The following FADS3 variants were observed in gnomAD, a reference collection of about 807,000 sequenced individuals.
The protein encoded by FADS3 is fatty acid desaturase 3.
FADS3 carries 30 observed loss-of-function variants against 60.4 expected under a neutral mutation model. The observed-to-expected ratio is 0.50, with a 90% confidence interval of 0.37 to 0.67. The LOEUF is 0.67. FADS3 is among the 30% of genes least tolerant of loss of function. The pLI, the probability that FADS3 is intolerant of heterozygous loss-of-function variation, is 0.00. For missense variants in FADS3, 432 were observed against 598.3 expected, an observed-to-expected ratio of 0.72 and a Z score of 2.90; for synonymous variants, 234 against 249.3, an observed-to-expected ratio of 0.94 and a Z score of 0.58.
At chr11:61,875,571 T>C (rs115913684) in intron 11 of FADS3, among the ~76,000 whole-genome samples, 1,639 of 152,248 alleles carry the variant, frequency 0.011, 29 homozygotes, top group African/African-American at 0.037. Context: ...CTGTTAAGTG[T>C]TTCCTTCTGA....
In FADS3 at chr11:61,875,892, G is replaced by A. The variant is rs200500654; in HGVS notation, c.1245C>T (p.Tyr415=). The change falls in exon 11 of 12, where the codon TAC becomes TAT. Residue 415 remains tyrosine, a synonymous_variant. Transcript: ENST00000278829. ...KSLCAKHGLS[Y]EVKPFLTALV... Reference sequence around the variant, plus strand: ...GCGCGGTGAGGAAGGGCTTCACTTCGTAGCTGAGGCCGTGCTTGGCACACA... The same window carrying A: ...GCGCGGTGAGGAAGGGCTTCACTTCATAGCTGAGGCCGTGCTTGGCACACA... 2.4e-5 allele frequency: 38 copies of A among 1,613,794 alleles called. No homozygotes were observed. The highest frequency in any genetic ancestry group is 1.6e-4 in the Middle Eastern group (1 of 6,062).
At chr11:61,879,264 C>T (rs1190379056) in intron 3 of FADS3, 48 bp downstream of exon 3, 8 of 1,505,250 alleles carry the variant, frequency 5.3e-6, no homozygotes, top group Non-Finnish European at 6.3e-6. Flanking sequence ...CATGGGGGCC[C>T]ACGTCTGTTG....
chr11:61,873,685 C>T lies in FADS3; in HGVS notation c.*129G>A, dbSNP rs984341728. ...ACATGTGAGGGGGCCGAGGGGAAGA[C>T]AACAGTACCAGGAGGGCAGGCAGGG... On this transcript the variant is annotated 3_prime_UTR_variant, in exon 12 of 12. Coordinates refer to ENST00000278829, the MANE Select transcript of FADS3 (RefSeq NM_021727.5). The T allele has an allele frequency of 2.8e-6, 2 of 721,246 alleles. No individual in the cohort carries two copies. The highest frequency in any genetic ancestry group is 3.7e-4 in the Middle Eastern group (1 of 2,730). 44.7% of individuals were successfully genotyped at this position (721,246 alleles called of 1,614,324 possible). A position where few individuals can be genotyped will look rare whatever the true frequency, so the allele number is the denominator to read the frequency against.
chr11:61,888,912 T>C (rs1938401239), intron 1 of FADS3, among the ~76,000 whole-genome samples: 1 of 152,068 alleles, frequency 6.6e-6, no homozygotes, highest in African/African-American at 2.4e-5. Flanking sequence ...TTTGTTTGTT[T>C]GAGACGGAGT....
rs897753940 is a variant in FADS3 at position 61,873,570 on chromosome 11, AT to A, written c.*243del. On this transcript the variant is annotated 3_prime_UTR_variant, in exon 12 of 12. Transcript: ENST00000278829. Reference sequence around the variant, plus strand: ...ATATAAAAATAACAGCTTTCCCCCAATTCTCGCTCTAGGAAAATGTGCTATG... The same window carrying A: ...ATATAAAAATAACAGCTTTCCCCCAATCTCGCTCTAGGAAAATGTGCTATG... 24 of 563,982 alleles carry A rather than the reference AT, an allele frequency of 4.3e-5. No homozygotes were observed. In the African/African-American group the frequency reaches 4.6e-4, roughly 11 times the overall value. The allele number at this position is 563,982 out of a possible 1,614,324, so 34.9% of individuals were successfully genotyped here. A position where few individuals can be genotyped will look rare whatever the true frequency, so the allele number is the denominator to read the frequency against.
At position 61,877,304 on chromosome 11, in the gene FADS3, C is replaced by T. The variant is rs1420589800; in HGVS notation, c.885+207G>A. 1.5e-5 allele frequency: 4 copies of T among 266,364 alleles called. No individual in the cohort carries two copies. In the South Asian group the frequency reaches 1.5e-4, roughly 10 times the overall value. 16.5% of individuals were successfully genotyped at this position (266,364 alleles called of 1,614,324 possible). ...CCCACACCCCCCCTGTTCCTCAACC[C>T]CCCCCCACCACACGTACAGTCACGG... is the stretch of plus-strand genomic sequence containing the variant. On this transcript the variant is annotated intron_variant, in intron 7 of 11. Transcript: ENST00000278829. This position sits in a 1 kb window ranked among gnomAD's most constrained non-coding sequence, Gnocchi z 4.7.
In FADS3 at chr11:61,879,468, G is replaced by A. The variant is rs377766551; in HGVS notation, c.366C>T (p.Ala122=). Residue 122 remains alanine, a synonymous_variant, in exon 3 of 12, where the codon GCC becomes GCT. Transcript: ENST00000278829. ...TGGCATCAAACAGCTTCATGTCCTCGGCTGCCTGGTGCAGGGCTCGGAAGT... is the reference window on the plus strand; with the variant it reads ...TGGCATCAAACAGCTTCATGTCCTCAGCTGCCTGGTGCAGGGCTCGGAAGT... ...VEDFRALHQA[A]EDMKLFDASP... 7.5e-6 allele frequency: 12 copies of A among 1,603,426 alleles called. No homozygotes were observed. The highest frequency in any genetic ancestry group is 2.3e-5 in the South Asian group (2 of 88,830).
rs779545328 is a variant in FADS3 at position 61,876,976 on chromosome 11, G to A, written c.886-13C>T. On this transcript the variant is annotated splice_polypyrimidine_tract_variant and intron_variant, in intron 7 of 11. Transcript: ENST00000278829. This position sits in a 1 kb window ranked among gnomAD's most constrained non-coding sequence, Gnocchi z 5.7. ...CCCAGAGCAAATCCTGCAGAGGAGG[G>A]CAGAGGCGATACCGAGAGGTCTCCA... is the stretch of plus-strand genomic sequence containing the variant. The A allele has an allele frequency of 1.4e-5, 22 of 1,575,888 alleles. No homozygotes were observed. The South Asian group carries it at 2.1e-4, about 15-fold the overall frequency.
intron 3 of FADS3, 21 bp from the exon 4 acceptor site, chr11:61,878,868 A>T: frequency 1.9e-6 from 3 of 1,610,602 alleles, no homozygotes; most frequent in African/African-American, 1.3e-5. Flanking sequence ...AGGCAGGGTC[A>T]GAAGCTGTTG....
chr11:61,890,270 A>G (rs2136003963), intron 1 of FADS3: 1 of 152,290 alleles, frequency 6.6e-6, no homozygotes, highest in South Asian at 2.1e-4. Flanking sequence ...ATCGGCAGAG[A>G]GCAGGTGGCC....
Position 61,873,754 on chromosome 11 carries a change from C to T in FADS3, c.*60G>A, listed in dbSNP as rs1937763316. The T allele has an allele frequency of 2.9e-6, 4 of 1,361,034 alleles. No homozygotes were observed. In the African/African-American group the frequency reaches 5.7e-5, roughly 19 times the overall value. The allele number at this position is 1,361,034 out of a possible 1,614,324, so 84.3% of individuals were successfully genotyped here. A position where few individuals can be genotyped will look rare whatever the true frequency, so the allele number is the denominator to read the frequency against. The stretch of plus-strand genomic sequence containing the variant: ...TGGAGGGGTGAGGGTATCGATCCCG[C>T]CGGGGGCTGGCTTGGTTGCTGGTGC... On this transcript the variant is annotated 3_prime_UTR_variant, in exon 12 of 12. Transcript: ENST00000278829.
chr11:61,879,244 T>C, intron 3 of FADS3, 68 bp downstream of exon 3: 1 of 1,354,386 alleles, frequency 7.4e-7, no homozygotes, highest in South Asian at 1.3e-5. Flanking sequence ...ATGTTCACAA[T>C]GCCCAGATGC....
At chr11:61,884,789 G>A (rs557131165) in intron 1 of FADS3, among the ~76,000 whole-genome samples, 193 of 152,320 alleles carry the variant, frequency 1.3e-3, no homozygotes, top group African/African-American at 4.3e-3. Flanking sequence ...AGTGGAAAGC[G>A]GCACTCGACG....
At position 61,891,227 on chromosome 11, in the gene FADS3, G is replaced by C. The variant is rs1245575472; in HGVS notation, c.155C>G (p.Ala52Gly). The change falls in exon 1 of 12, where the codon GCA (alanine) becomes GGA (glycine). Residue 52 changes from alanine to glycine, a missense_variant. Physicochemically the swap from Ala to Gly is moderately conservative, Grantham distance 60. This residue lies in a region of FADS3 where 167 missense variants were observed against 188.8 expected (regional missense o/e 0.88). Transcript: ENST00000278829. ...ERRVYDISRW[A>G]QRHPGGSRLI... ...GCGGCTGCCCCCTGGGTGCCGCTGT[G>C]CCCAGCGGCTGATGTCGTAGACGCG... 6.4e-7 allele frequency: 1 copy of C among 1,553,148 alleles called. No individual in the cohort carries two copies. The highest frequency in any genetic ancestry group is 2.4e-5 in the East Asian group (1 of 41,416).
intron 1 of FADS3, 87 bp downstream of exon 1, chr11:61,891,082 G>A (rs1938489469): frequency 8.7e-6 from 10 of 1,154,156 alleles, no homozygotes; most frequent in Non-Finnish European, 1.3e-5. Context: ...AGGATGCTAA[G>A]GCCCCACAGG....
chr11:61,882,113 T>G (rs1331502546), intron 1 of FADS3: 22 of 135,070 alleles, frequency 1.6e-4, no homozygotes, highest in South Asian at 5.2e-4. Context: ...TTTTTTTTTT[T>G]TTTTTTTTTT....
intron 1 of FADS3, among the ~76,000 whole-genome samples, chr11:61,889,436 G>C (rs1238914559): frequency 6.6e-6 from 1 of 151,926 alleles, no homozygotes; most frequent in Non-Finnish European, 1.5e-5. Flanking sequence ...TGGATCACGA[G>C]GTCAGGAGTT....
chr11:61,873,742 G>A lies in FADS3; in HGVS notation c.*72C>T. The A allele has an allele frequency of 1.8e-6, 2 of 1,103,100 alleles. No individual in the cohort carries two copies. 68.3% of individuals were successfully genotyped at this position (1,103,100 alleles called of 1,614,324 possible). ...CAGGCTGGCCAGTGGAGGGGTGAGG[G>A]TATCGATCCCGCCGGGGGCTGGCTT... is the stretch of plus-strand genomic sequence containing the variant. On this transcript the variant is annotated 3_prime_UTR_variant, in exon 12 of 12. Coordinates refer to ENST00000278829, the MANE Select transcript of FADS3 (RefSeq NM_021727.5).
At chr11:61,883,220 C>A (rs1938197081) in intron 1 of FADS3, among the ~76,000 whole-genome samples, 1 of 152,164 alleles carries the variant, frequency 6.6e-6, no homozygotes, top group African/African-American at 2.4e-5. Flanking sequence ...TTCTCTCCTC[C>A]CCCTGCCCCG....
Sources: gnomAD v4.1 joint callset for allele counts (sites outside exome capture counted in the v4.1 genomes callset) on GRCh38, gnomAD v4.1.1 for gene constraint, gnomAD v4.1.1 regional missense constraint, Gnocchi (gnomAD v3.1) non-coding constraint, MANE v1.5 for transcripts, NCBI Gene and HGNC (gene_info 2026-07-23, HGNC 2026-07-21) for gene names.